The following RSPRY1 variants were observed in gnomAD, a reference collection of about 807,000 sequenced individuals.
RSPRY1 encodes RING finger and SPRY domain-containing protein 1.
A neutral mutation model predicts 73.1 loss-of-function variants in RSPRY1; 23 were observed. The ratio of observed to expected loss-of-function variants is 0.31; its 90% CI spans 0.23 to 0.45. RSPRY1 has a LOEUF of 0.45. Ranked by LOEUF, RSPRY1 falls within the 20% of genes least tolerant of loss-of-function variation. The pLI is 1.00. For missense variants in RSPRY1, 448 were observed against 698.7 expected, an observed-to-expected ratio of 0.64 and a Z score of 4.05; for synonymous variants, 226 against 251.4, an observed-to-expected ratio of 0.90 and a Z score of 0.95.
chr16:57,235,190 T>C lies in RSPRY1; in HGVS notation c.1596T>C (p.Asp532=). 1.9e-6 allele frequency: 3 copies of C among 1,614,094 alleles called. No homozygotes were observed. The highest frequency in any genetic ancestry group is 2.5e-6 in the Non-Finnish European group (3 of 1,179,936). Residue 532 remains aspartate (D), a synonymous_variant, in exon 14 of 15, where the codon GAT becomes GAC. Transcript: ENST00000394420. ...AAAACTGCTGTTCCCTTTGTTGTGA[T>C]GAGGTAGCAGACACACAATTGAAGC... ...IRENCCSLCC[D]EVADTQLKPC...
intron 10 of RSPRY1, among the ~76,000 whole-genome samples, chr16:57,226,511 G>A (rs370126233): frequency 3.3e-5 from 5 of 152,292 alleles, no homozygotes; most frequent in African/African-American, 1.2e-4. Context: ...GCAATTCCTG[G>A]AACCAAGGGT....
intron 6 of RSPRY1, among the ~76,000 whole-genome samples, chr16:57,215,473 A>G (rs1325315022): frequency 3.3e-5 from 5 of 152,222 alleles, no homozygotes; most frequent in Admixed American, 2.6e-4. Flanking sequence ...CCAATGTAGC[A>G]GTAGGGAAAG....
At position 57,221,400 on chromosome 16, in the gene RSPRY1, C is replaced by T. The variant is rs1173111044; in HGVS notation, c.1146C>T (p.Ser382=). 5 of 1,613,648 alleles carry T rather than the reference C, an allele frequency of 3.1e-6. No individual in the cohort carries two copies. Among genetic ancestry groups the T allele is most frequent in the Non-Finnish European group, 3.4e-6 (4 of 1,179,804 alleles). The change falls in exon 10 of 15, where the codon AGC becomes AGT. Residue 382 remains serine, a synonymous_variant. Coordinates refer to ENST00000394420, the MANE Select transcript of RSPRY1 (RefSeq NM_133368.3). ...AGATTGGCTGGGCCACTCGAGACAGCAAATTCCTCAATCATGTGAGTACCC... is the reference window on the plus strand; with the variant it reads ...AGATTGGCTGGGCCACTCGAGACAGTAAATTCCTCAATCATGTGAGTACCC... ...VMQIGWATRD[S]KFLNHEGYGI... is the part of the protein sequence containing the mutation.
intron 1 of RSPRY1, among the ~76,000 whole-genome samples, chr16:57,192,711 T>A (rs567378102): frequency 2.1e-5 from 3 of 145,652 alleles, no homozygotes; most frequent in East Asian, 3.9e-4. Context: ...AGAGACTCTT[T>A]TTTTTTTTTT....
intron 8 of RSPRY1, among the ~76,000 whole-genome samples, chr16:57,219,350 A>G (rs2074997566): frequency 6.6e-6 from 1 of 152,068 alleles, no homozygotes; most frequent in Non-Finnish European, 1.5e-5. Flanking sequence ...GATAAATGCC[A>G]TTTTTACTGG....
At chr16:57,230,878 A>C (rs890834967) in intron 12 of RSPRY1, 65 bp downstream of exon 12, 49 of 966,990 alleles carry the variant, frequency 5.1e-5, no homozygotes, top group Admixed American at 4.1e-5. Context: ...TCTAGGAAAA[A>C]AAAAGTCTTT....
In RSPRY1 at chr16:57,204,577, T is replaced by C; in HGVS notation, c.-82T>C. 2.4e-6 allele frequency: 3 copies of C among 1,251,646 alleles called. No homozygotes were observed. The highest frequency in any genetic ancestry group is 3.4e-6 in the Non-Finnish European group (3 of 882,714). 77.5% of individuals were successfully genotyped at this position (1,251,646 alleles called of 1,614,324 possible). A position where few individuals can be genotyped will look rare whatever the true frequency, so the allele number is the denominator to read the frequency against. ...TAAGCTCTGCAACTTTCTTTGGCAT[T>C]CAGTTGTTAAAAACAAATAGGATGC... On this transcript the variant is annotated 5_prime_UTR_variant, in exon 2 of 15. Transcript: ENST00000394420.
In RSPRY1 at chr16:57,221,466, T is replaced by C. The variant is rs931969690; in HGVS notation, c.1161+51T>C. 25 of 1,543,664 alleles carry C rather than the reference T, an allele frequency of 1.6e-5. No homozygotes were observed. In the Admixed American group the frequency reaches 4.9e-4, roughly 30 times the overall value. ...ATGGGAGCAGTGGCAGTTTGCTTTT[T>C]CCCCCTAGTTGGTGGGTGGAAAATA... On this transcript the variant is annotated intron_variant, in intron 10 of 14. Transcript: ENST00000394420.
At chr16:57,208,005 G>T in intron 2 of RSPRY1, 53 bp from the exon 3 acceptor site, 1 of 1,097,066 alleles carries the variant, frequency 9.1e-7, no homozygotes, top group Non-Finnish European at 1.4e-6. Context: ...TTCTTATTTG[G>T]AATTGTCATT....
intron 10 of RSPRY1, 29 bp downstream of exon 10, chr16:57,221,444 G>A: frequency 2.5e-6 from 4 of 1,574,782 alleles, no homozygotes; most frequent in Non-Finnish European, 2.6e-6. Flanking sequence ...TGTGAAAATG[G>A]GAGCAGTGGC....
intron 3 of RSPRY1, among the ~76,000 whole-genome samples, chr16:57,208,653 G>T (rs2074777054): frequency 6.6e-6 from 1 of 151,918 alleles, no homozygotes; most frequent in Non-Finnish European, 1.5e-5. Flanking sequence ...TCCTGCCTCA[G>T]CCTCCCAAAG....
chr16:57,189,597 T>C (rs1482338034), intron 1 of RSPRY1, among the ~76,000 whole-genome samples: 1 of 146,854 alleles, frequency 6.8e-6, no homozygotes, highest in Non-Finnish European at 1.5e-5. Context: ...TCTTTTCTTT[T>C]TTTTTTTTTT....
intron 10 of RSPRY1, among the ~76,000 whole-genome samples, chr16:57,225,055 A>G (rs2075099546): frequency 6.6e-6 from 1 of 151,870 alleles, no homozygotes; most frequent in South Asian, 2.1e-4. Flanking sequence ...CAAGTAGTGA[A>G]TTTCTTTTGT....
At chr16:57,199,913 C>CTTTTTTTTTTTTTTTTTTTTTTTTTTT (rs1315067392) in intron 1 of RSPRY1, among the ~76,000 whole-genome samples, 1 of 72,188 alleles carries the variant, frequency 1.4e-5, no homozygotes, top group South Asian at 4.2e-4. Context: ...TTTTCTTTTT[C>CTTTTTTTTTTTTTTTTTTTTTTTTTTT]TTTTTTTTTT....
intron 4 of RSPRY1, among the ~76,000 whole-genome samples, chr16:57,212,698 T>C (rs1206938792): frequency 6.6e-6 from 1 of 152,050 alleles, no homozygotes; most frequent in African/African-American, 2.4e-5. Flanking sequence ...CACTGCAACC[T>C]CTACCTCCCA....
chr16:57,194,833 G>C (rs1351358994), intron 1 of RSPRY1, among the ~76,000 whole-genome samples: 3 of 152,198 alleles, frequency 2.0e-5, no homozygotes, highest in Non-Finnish European at 4.4e-5. Context: ...CCATTTGTCA[G>C]AGAGGGTTAG....
At position 57,234,496 on chromosome 16, in the gene RSPRY1, C is replaced by T. The variant is rs75416141; in HGVS notation, c.1530-628C>T. On this transcript the variant is annotated intron_variant, in intron 13 of 14. Coordinates refer to ENST00000394420, the MANE Select transcript of RSPRY1 (RefSeq NM_133368.3). ...TACTTTTTTAGTCCTCTGTTCACTG[C>T]TGAATCTCTAGGGCTTGGAACAGTG... Among the ~76,000 whole-genome samples the T allele has an allele frequency of 7.2e-3, 1,094 of 152,320 alleles. 8 individuals are homozygous for T. Among genetic ancestry groups the T allele is most frequent in the African/African-American group, 0.025 (1,038 of 41,580 alleles).
intron 8 of RSPRY1, among the ~76,000 whole-genome samples, chr16:57,217,911 A>G (rs762930410): frequency 2.6e-5 from 4 of 152,210 alleles, no homozygotes; most frequent in South Asian, 2.1e-4. Flanking sequence ...ATAATTCTGA[A>G]AGAGTGCAAT....
At chr16:57,192,712 T>TTC (rs200887059) in intron 1 of RSPRY1, among the ~76,000 whole-genome samples, 147 of 137,962 alleles carry the variant, frequency 1.1e-3, no homozygotes, top group African/African-American at 3.9e-3. Context: ...GAGACTCTTT[T>TTC]TTTTTTTTTT....
Sources: gnomAD v4.1 joint callset for allele counts (sites outside exome capture counted in the v4.1 genomes callset) on GRCh38, gnomAD v4.1.1 for gene constraint, MANE v1.5 for transcripts, NCBI Gene and HGNC (gene_info 2026-07-23, HGNC 2026-07-21) for gene names.